The following GRP variants were observed in gnomAD, a reference collection of about 807,000 sequenced individuals.
The protein encoded by GRP is gastrin releasing peptide.
A neutral mutation model predicts 12.7 loss-of-function variants in GRP; 11 were observed. That is an observed-to-expected ratio of 0.87 (90% confidence interval 0.55 to 1.44). The LOEUF is 1.44. Ranked by LOEUF, GRP falls within the 40% of genes most tolerant of loss-of-function variation. The pLI is 0.00. For synonymous variants in GRP, 84 were observed against 77.7 expected (o/e 1.08, Z -0.43); for missense variants, 212 against 185.4 (o/e 1.14, Z -0.83).
At position 59,220,174 on chromosome 18, in the gene GRP, G is replaced by T. The variant is rs2069802823; in HGVS notation, c.-92G>T. The T allele has an allele frequency of 2.9e-6, 3 of 1,043,506 alleles. No homozygotes were observed. In the Admixed American group the frequency reaches 1.1e-4, roughly 39 times the overall value. 64.6% of individuals were successfully genotyped at this position (1,043,506 alleles called of 1,614,324 possible). Reference sequence around the variant, plus strand: ...GGAGGCCGCAGCAGTAGCACCAGCGGCTGCGGCGGCGGAGCTCCTCCGAGG... The same window carrying T: ...GGAGGCCGCAGCAGTAGCACCAGCGTCTGCGGCGGCGGAGCTCCTCCGAGG... On this transcript the variant is annotated 5_prime_UTR_variant, in exon 1 of 3. Transcript: ENST00000256857.
chr18:59,226,649 C>T (rs2069926254), intron 2 of GRP, among the ~76,000 whole-genome samples: 1 of 152,224 alleles, frequency 6.6e-6, no homozygotes, highest in Non-Finnish European at 1.5e-5. Flanking sequence ...CAGTCGGCCT[C>T]AGACAGTCTG....
At chr18:59,226,438 A>G (rs1791218815) in intron 2 of GRP, among the ~76,000 whole-genome samples, 1 of 152,230 alleles carries the variant, frequency 6.6e-6, no homozygotes, top group Admixed American at 6.5e-5. Context: ...AATACAAAAT[A>G]ATAATTACAA....
intron 2 of GRP, among the ~76,000 whole-genome samples, chr18:59,229,128 A>C (rs1349760177): frequency 2.0e-5 from 3 of 152,148 alleles, no homozygotes; most frequent in African/African-American, 7.2e-5. Flanking sequence ...AGCAACATAA[A>C]ATCAAGAATC....
chr18:59,226,325 A>T (rs1568084462), intron 2 of GRP, among the ~76,000 whole-genome samples: 1 of 152,234 alleles, frequency 6.6e-6, no homozygotes, highest in Non-Finnish European at 1.5e-5. Context: ...GCTTAAAGAC[A>T]GTGAGCAAGA....
At position 59,220,477 on chromosome 18, in the gene GRP, C is replaced by T. The variant is rs914705309; in HGVS notation, c.139+73C>T. On this transcript the variant is annotated intron_variant, in intron 1 of 2. Transcript: ENST00000256857. ...AGCCAGCCGGAGGGGACCTGTCTCCCCATTTCTTTGCGTTTCCCTGGCCCA... is the reference window on the plus strand; with the variant it reads ...AGCCAGCCGGAGGGGACCTGTCTCCTCATTTCTTTGCGTTTCCCTGGCCCA... 19 of 1,267,060 alleles carry T rather than the reference C, an allele frequency of 1.5e-5. No individual in the cohort carries two copies. In the African/African-American group the frequency reaches 2.8e-4, roughly 19 times the overall value. 78.5% of individuals were successfully genotyped at this position (1,267,060 alleles called of 1,614,324 possible). A position where few individuals can be genotyped will look rare whatever the true frequency, so the allele number is the denominator to read the frequency against.
upstream of GRP, chr18:59,220,062 T>C (rs1280680706): frequency 1.2e-5 from 5 of 431,996 alleles, no homozygotes; most frequent in Non-Finnish European, 2.0e-5. Flanking sequence ...CGGTTAGCTA[T>C]AGGGAGACGT....
At chr18:59,229,596 G>A (rs1295053521) in intron 2 of GRP, among the ~76,000 whole-genome samples, 2 of 152,182 alleles carry the variant, frequency 1.3e-5, no homozygotes, top group South Asian at 2.1e-4. Flanking sequence ...AATATCAGTA[G>A]TTCCTTTATT....
chr18:59,225,517 A>G lies in GRP; in HGVS notation c.165A>G (p.Thr55=), dbSNP rs915827950. 6.2e-7 allele frequency: 1 copy of G among 1,613,666 alleles called. No individual in the cohort carries two copies. The highest frequency in any genetic ancestry group is 2.2e-5 in the East Asian group (1 of 44,884). The change falls in exon 2 of 3, where the codon ACA becomes ACG. Residue 55 remains threonine (T), a synonymous_variant. Transcript: ENST00000256857. ...GGCACTTAATGGGGAAAAAGAGCAC[A>G]GGGGAGTCTTCTTCTGTTTCTGAGA... ...AVGHLMGKKS[T]GESSSVSERG...
rs887731456 is a variant in GRP, at chr18:59,220,251, C to T, written c.-15C>T. 1.2e-5 allele frequency: 18 copies of T among 1,487,728 alleles called. No homozygotes were observed. The African/African-American group carries it at 2.5e-4, about 20-fold the overall frequency. The allele number at this position is 1,487,728 out of a possible 1,614,324, so 92.2% of individuals were successfully genotyped here. On this transcript the variant is annotated 5_prime_UTR_variant, in exon 1 of 3. Coordinates refer to ENST00000256857, the MANE Select transcript of GRP (RefSeq NM_002091.5). ...CAGCCTCTCCGGCGCGCTCCAAGGGCTTCCCGTCGGGACCATGCGCGGCCG... is the reference window on the plus strand; with the variant it reads ...CAGCCTCTCCGGCGCGCTCCAAGGGTTTCCCGTCGGGACCATGCGCGGCCG...
intron 2 of GRP, among the ~76,000 whole-genome samples, chr18:59,227,650 C>T (rs1311647393): frequency 6.6e-6 from 1 of 152,224 alleles, no homozygotes. Flanking sequence ...AAATACTCCC[C>T]TCTACTAACA....
At chr18:59,220,109 C>A (rs1568081442), upstream of GRP, 2 of 320,514 alleles carry the variant, frequency 6.2e-6, no homozygotes, top group South Asian at 3.8e-5. Flanking sequence ...AGCCCCCCAG[C>A]CCCCCCGCCC....
At chr18:59,221,579 C>G (rs930054223) in intron 1 of GRP, among the ~76,000 whole-genome samples, 5 of 149,972 alleles carry the variant, frequency 3.3e-5, no homozygotes, top group South Asian at 2.1e-4. Flanking sequence ...GTGTGTGTCT[C>G]TGTGTGTGTG....
At chr18:59,223,973 T>G (rs146907571) in intron 1 of GRP, among the ~76,000 whole-genome samples, 1 of 152,350 alleles carries the variant, frequency 6.6e-6, no homozygotes, top group African/African-American at 2.4e-5. Context: ...GCAGTAAACC[T>G]GATTTTAATG....
At chr18:59,229,244 C>T (rs979522144) in intron 2 of GRP, among the ~76,000 whole-genome samples, 3 of 152,188 alleles carry the variant, frequency 2.0e-5, no homozygotes, top group African/African-American at 7.2e-5. Context: ...GGACCCTGCC[C>T]ATTGCCTCCC....
At chr18:59,220,463 G>A (rs778125399) in intron 1 of GRP, 59 bp downstream of exon 1, 1 of 1,311,316 alleles carries the variant, frequency 7.6e-7, no homozygotes, top group Non-Finnish European at 9.8e-7. Flanking sequence ...GCCAGCCGGA[G>A]GGGACCTGTC....
chr18:59,220,142 C>T (rs1452739437), upstream of GRP: 1 of 358,156 alleles, frequency 2.8e-6, no homozygotes, highest in East Asian at 9.5e-5. Context: ...AAAGTAGGGG[C>T]CCTAGTGGAG....
chr18:59,225,998 AT>A (rs111829282), intron 2 of GRP, among the ~76,000 whole-genome samples: 7 of 149,686 alleles, frequency 4.7e-5, no homozygotes, highest in East Asian at 2.0e-4. Flanking sequence ...CATTGATGGG[AT>A]TTTTTTTTTA....
chr18:59,226,028 A>C (rs547057087), intron 2 of GRP, among the ~76,000 whole-genome samples: 3 of 152,210 alleles, frequency 2.0e-5, no homozygotes, highest in Non-Finnish European at 2.9e-5. Context: ...GCCCTACAAG[A>C]ATGTTTTGAT....
Position 59,225,491 on chromosome 18 carries a change from G to C in GRP, c.140-1G>C. The C allele has an allele frequency of 6.2e-7, 1 of 1,604,298 alleles. No individual in the cohort carries two copies. Among genetic ancestry groups the C allele is most frequent in the Non-Finnish European group, 8.5e-7 (1 of 1,176,264 alleles). On this transcript the variant is annotated splice_acceptor_variant, in intron 1 of 2. Coordinates refer to ENST00000256857, the MANE Select transcript of GRP (RefSeq NM_002091.5). LOFTEE classifies it high-confidence loss of function. ...GAGTGTTTTTGTTTTTGTTTTTACA[G>C]GGCACTTAATGGGGAAAAAGAGCAC...
Sources: allele counts gnomAD v4.1 joint callset (sites outside exome capture counted in the v4.1 genomes callset), GRCh38; gene constraint gnomAD v4.1.1; transcripts MANE v1.5; gene names NCBI Gene and HGNC (gene_info 2026-07-23, HGNC 2026-07-21).